ALCAM: variants seen among roughly 807,000 people sequenced by gnomAD.
ALCAM encodes the protein activated leukocyte cell adhesion molecule.
ALCAM carries 30 observed loss-of-function variants against 70.9 expected under a neutral mutation model. The ratio of observed to expected loss-of-function variants is 0.42; its 90% CI spans 0.32 to 0.57. The LOEUF (loss-of-function observed/expected upper bound fraction) is 0.57, where lower values mean the gene tolerates loss of function less well. ALCAM is among the 20% of genes least tolerant of loss of function. The pLI is 0.11. For missense variants in ALCAM, 591 were observed against 695.1 expected (o/e 0.85, Z 1.68); for synonymous variants, 249 against 242.5 (o/e 1.03, Z -0.25).
chr3:105,485,428 A>G (rs1355385675), intron 1 of ALCAM, among the ~76,000 whole-genome samples: 1 of 151,972 alleles, frequency 6.6e-6, no homozygotes, highest in Non-Finnish European at 1.5e-5. Context: ...TGACAGAGAG[A>G]AAGAGTCCAC....
chr3:105,475,235 G>A (rs1294815961), intron 1 of ALCAM, among the ~76,000 whole-genome samples: 1 of 151,834 alleles, frequency 6.6e-6, no homozygotes, highest in Non-Finnish European at 1.5e-5. Context: ...TAATGTAGAA[G>A]GTTTTAAGTT....
rs191802959 is a variant in ALCAM, at chr3:105,367,423, G to A, written c.15G>A (p.Gly5=). 40 of 1,613,976 alleles carry A rather than the reference G, an allele frequency of 2.5e-5. No homozygotes were observed. In the East Asian group the frequency reaches 8.2e-4, roughly 33 times the overall value. MESK[G]ASSCRLLFCL... ...GGAGGAGGAATATGGAATCCAAGGG[G>A]GCCAGTTCCTGCCGTCTGCTCTTCT... Residue 5 remains glycine (G), a synonymous_variant, in exon 1 of 16, where the codon GGG becomes GGA. Coordinates refer to ENST00000306107, the MANE Select transcript of ALCAM (RefSeq NM_001627.4).
chr3:105,422,251 C>T (rs1385574007), intron 1 of ALCAM, among the ~76,000 whole-genome samples: 1 of 151,342 alleles, frequency 6.6e-6, no homozygotes, highest in Non-Finnish European at 1.5e-5. Flanking sequence ...TCGATAGGCA[C>T]TTAGGGTGGT....
chr3:105,479,708 T>C (rs1361708308), intron 1 of ALCAM, among the ~76,000 whole-genome samples: 1 of 152,214 alleles, frequency 6.6e-6, no homozygotes, highest in Non-Finnish European at 1.5e-5. Flanking sequence ...CATGCCTTCA[T>C]GCAACTTGCC....
chr3:105,538,085 T>C (rs1940018337), intron 6 of ALCAM, among the ~76,000 whole-genome samples: 2 of 152,076 alleles, frequency 1.3e-5, no homozygotes, highest in African/African-American at 4.8e-5. Flanking sequence ...AGATTTTGAG[T>C]ATCATTGTAA....
chr3:105,378,577 A>G (rs979205744), intron 1 of ALCAM, among the ~76,000 whole-genome samples: 5 of 151,774 alleles, frequency 3.3e-5, no homozygotes, highest in South Asian at 2.1e-4. Context: ...ACTCCATTAC[A>G]TAAATCCCCT....
At chr3:105,558,719 A>C (rs1940569024) in intron 14 of ALCAM, among the ~76,000 whole-genome samples, 1 of 152,072 alleles carries the variant, frequency 6.6e-6, no homozygotes, top group Non-Finnish European at 1.5e-5. Context: ...AGGAGTTGAG[A>C]CTTAGATTTA....
chr3:105,493,173 G>A (rs1938637377), intron 1 of ALCAM, among the ~76,000 whole-genome samples: 1 of 152,072 alleles, frequency 6.6e-6, no homozygotes, highest in African/African-American at 2.4e-5. Context: ...ATAGCCTTTT[G>A]CAAATCATTT....
chr3:105,502,974 T>C (rs937802204), intron 1 of ALCAM, among the ~76,000 whole-genome samples: 2 of 152,238 alleles, frequency 1.3e-5, no homozygotes, highest in Admixed American at 6.5e-5. Context: ...GAACTTGTTA[T>C]TAACATTTTA....
chr3:105,402,125 G>C (rs2107373448), intron 1 of ALCAM, among the ~76,000 whole-genome samples: 1 of 152,224 alleles, frequency 6.6e-6, no homozygotes, highest in East Asian at 1.9e-4. Flanking sequence ...TATACAGAAA[G>C]TAAATAAAAC....
intron 1 of ALCAM, among the ~76,000 whole-genome samples, chr3:105,422,550 A>G (rs1396604973): frequency 6.6e-6 from 1 of 151,446 alleles, no homozygotes; most frequent in Non-Finnish European, 1.5e-5. Flanking sequence ...GACCACAAAG[A>G]TAAATGGAGA....
chr3:105,528,337 A>T (rs1939759417), intron 3 of ALCAM, among the ~76,000 whole-genome samples: 1 of 152,158 alleles, frequency 6.6e-6, no homozygotes, highest in African/African-American at 2.4e-5. Context: ...TAGTCTGGGT[A>T]TTAGAACAAA....
chr3:105,516,518 A>T (rs1192183732), intron 1 of ALCAM, among the ~76,000 whole-genome samples: 2 of 152,006 alleles, frequency 1.3e-5, no homozygotes, highest in Admixed American at 6.6e-5. Flanking sequence ...AATTTCCATT[A>T]ATACTTCTAT....
chr3:105,562,179 T>C (rs1460536255), intron 14 of ALCAM, among the ~76,000 whole-genome samples: 5 of 152,258 alleles, frequency 3.3e-5, no homozygotes, highest in East Asian at 3.8e-4. Context: ...GGGAGCAGCA[T>C]AGATAAGAAA....
rs1408192665 is a variant in ALCAM at position 105,575,137 on chromosome 3, A to G, written c.*686A>G. On this transcript the variant is annotated 3_prime_UTR_variant, in exon 16 of 16. Transcript: ENST00000306107. ...CATACATAATGGTACTCCCAAACTG[A>G]CAATTTTACCTATTCTGAAAAAGAC... 6.6e-6 allele frequency: 1 copy of G among 152,622 alleles called. No homozygotes were observed. Among genetic ancestry groups the G allele is most frequent in the Non-Finnish European group, 1.5e-5 (1 of 68,042 alleles). 9.5% of individuals were successfully genotyped at this position (152,622 alleles called of 1,614,324 possible). A position where few individuals can be genotyped will look rare whatever the true frequency, so the allele number is the denominator to read the frequency against.
At chr3:105,530,513 A>G (rs548163474) in intron 3 of ALCAM, among the ~76,000 whole-genome samples, 9 of 152,010 alleles carry the variant, frequency 5.9e-5, no homozygotes, top group Non-Finnish European at 1.0e-4. Context: ...GTTTGTGTTA[A>G]TGTTAATTTT....
At chr3:105,412,941 C>T (rs534207497) in intron 1 of ALCAM, among the ~76,000 whole-genome samples, 1 of 152,152 alleles carries the variant, frequency 6.6e-6, no homozygotes, top group African/African-American at 2.4e-5. Flanking sequence ...ATAAATCACT[C>T]ATCATATAAT....
intron 1 of ALCAM, among the ~76,000 whole-genome samples, chr3:105,384,355 G>A (rs11716035): frequency 0.14 from 21,803 of 151,462 alleles, 1,661 homozygotes; most frequent in Middle Eastern, 0.2. Flanking sequence ...TTTAAGTCTG[G>A]TGTCACTTCT....
At chr3:105,491,945 G>A (rs139276334) in intron 1 of ALCAM, among the ~76,000 whole-genome samples, 124 of 152,182 alleles carry the variant, frequency 8.1e-4, no homozygotes, top group African/African-American at 1.8e-3. Context: ...TTACAGCAGC[G>A]CCCCACTACC....
Sources: gnomAD v4.1 joint callset for allele counts (sites outside exome capture counted in the v4.1 genomes callset) on GRCh38, gnomAD v4.1.1 for gene constraint, MANE v1.5 for transcripts, NCBI Gene and HGNC (gene_info 2026-07-23, HGNC 2026-07-21) for gene names.